Variants in GLIS1 observed in about 807,000 individuals in gnomAD.
GLIS1 encodes zinc finger protein GLIS1.
Under a neutral mutation model 63.8 loss-of-function variants are expected in GLIS1, and 24 were observed. That is an observed-to-expected ratio of 0.38 (90% confidence interval 0.27 to 0.53). GLIS1 has a LOEUF of 0.53. Ranked by LOEUF, GLIS1 falls within the 20% of genes least tolerant of loss-of-function variation. The probability of loss-of-function intolerance (pLI) is 0.85; values close to 1 mark genes in which losing one functional copy is unlikely to be tolerated. For synonymous variants in GLIS1, 450 were observed against 482.5 expected (o/e 0.93, Z 0.88); for missense variants, 1,036 against 1,074.1 (o/e 0.96, Z 0.50).
chr1:53,697,845 G>A (rs1646481877), intron 2 of GLIS1, among the ~76,000 whole-genome samples: 1 of 152,172 alleles, frequency 6.6e-6, no homozygotes, highest in Non-Finnish European at 1.5e-5. Context: ...TAAGCAACTT[G>A]CTAAAGTCAC....
intron 2 of GLIS1, among the ~76,000 whole-genome samples, chr1:53,710,196 C>T (rs1403689018): frequency 6.6e-6 from 1 of 152,222 alleles, no homozygotes. Flanking sequence ...CCGTCTCCAT[C>T]TCTGGGGGGC....
intron 7 of GLIS1, among the ~76,000 whole-genome samples, chr1:53,517,341 C>A (rs1304044776): frequency 6.6e-6 from 1 of 152,196 alleles, no homozygotes; most frequent in Non-Finnish European, 1.5e-5. Flanking sequence ...CCTAGCACCA[C>A]CTGTCTGTCC....
In GLIS1 at chr1:53,594,499, T is replaced by G. The variant is rs542276630; in HGVS notation, c.929A>C (p.Gln310Pro). ...ASTDSHEGSLQLEACRKASFL... is the reference protein window; with the variant it reads ...ASTDSHEGSLPLEACRKASFL... ...GCTCGCCTTCCGGCAGGCTTCAAGT[T>G]GCAAGCTGCCCTCATGGCTGTCCGT... Residue 310 changes from glutamine (Q) to proline (P), a missense_variant, in exon 4 of 11, where the codon CAA becomes CCA. This residue lies in a region of GLIS1 where 592 missense variants were observed against 593.9 expected (regional missense o/e 1.00). Transcript: ENST00000628545. The G allele has an allele frequency of 6.2e-7, 1 of 1,612,986 alleles. No individual in the cohort carries two copies. Among genetic ancestry groups the G allele is most frequent in the Admixed American group, 1.7e-5 (1 of 60,032 alleles).
intron 2 of GLIS1, among the ~76,000 whole-genome samples, chr1:53,627,558 C>T (rs1377249843): frequency 6.6e-6 from 1 of 152,122 alleles, no homozygotes; most frequent in Non-Finnish European, 1.5e-5. Context: ...GAAGGGAAGA[C>T]GAATGAAATT....
At chr1:53,595,961 G>A (rs549771701) in intron 3 of GLIS1, among the ~76,000 whole-genome samples, 1 of 152,322 alleles carries the variant, frequency 6.6e-6, no homozygotes, top group African/African-American at 2.4e-5. Flanking sequence ...GCCAGGCAGG[G>A]CAGCCCATGG....
At chr1:53,712,023 C>T (rs941052457) in intron 2 of GLIS1, among the ~76,000 whole-genome samples, 1 of 152,224 alleles carries the variant, frequency 6.6e-6, no homozygotes, top group African/African-American at 2.4e-5. Flanking sequence ...GGGAGTCATT[C>T]AAGGCCCAGC....
At chr1:53,720,733 A>G (rs993260411) in intron 2 of GLIS1, among the ~76,000 whole-genome samples, 2 of 152,228 alleles carry the variant, frequency 1.3e-5, no homozygotes, top group Admixed American at 1.3e-4. Context: ...GTGTCAAAAT[A>G]CCACGTGTGC....
intron 4 of GLIS1, among the ~76,000 whole-genome samples, chr1:53,549,738 C>T (rs1644739471): frequency 6.6e-6 from 1 of 152,222 alleles, no homozygotes; most frequent in Admixed American, 6.5e-5. Flanking sequence ...GCTAACATTT[C>T]TTGGGTACTT....
In GLIS1 at chr1:53,575,736, A is replaced by C. The variant is rs1039550401; in HGVS notation, c.1320+18372T>G. Among the ~76,000 whole-genome samples, 4 of 152,188 alleles carry C rather than the reference A, an allele frequency of 2.6e-5. No individual in the cohort carries two copies. In the South Asian group the frequency reaches 6.2e-4, roughly 24 times the overall value. On this transcript the variant is annotated intron_variant, in intron 4 of 10. Coordinates refer to ENST00000628545, the MANE Select transcript of GLIS1 (RefSeq NM_001367484.1). ...GAATGCAGGATTGAGTGAATGAATG[A>C]ACACACACAAACAGTGACACCCATG... is the stretch of plus-strand genomic sequence containing the variant.
chr1:53,660,334 G>A (rs142406724), intron 2 of GLIS1, among the ~76,000 whole-genome samples: 12 of 152,204 alleles, frequency 7.9e-5, no homozygotes, highest in African/African-American at 2.7e-4. Context: ...GGTGGAGTAA[G>A]GGGCATTTAT....
chr1:53,678,532 T>TACCA (rs1240736051), intron 2 of GLIS1, among the ~76,000 whole-genome samples: 2 of 151,836 alleles, frequency 1.3e-5, no homozygotes, highest in African/African-American at 4.8e-5. Context: ...AAAAGGCTGG[T>TACCA]ACCTGCACCC....
intron 2 of GLIS1, among the ~76,000 whole-genome samples, chr1:53,660,671 A>T (rs1334856924): frequency 6.6e-6 from 1 of 152,180 alleles, no homozygotes; most frequent in African/African-American, 2.4e-5. Flanking sequence ...GGAAAAGGCC[A>T]GCCCCTGGGG....
chr1:53,597,936 T>C (rs1251856876), intron 3 of GLIS1, among the ~76,000 whole-genome samples: 1 of 152,198 alleles, frequency 6.6e-6, no homozygotes, highest in African/African-American at 2.4e-5. Flanking sequence ...TCCTTAGCTT[T>C]TCCTAGGTTA....
rs1009067249 is a variant in GLIS1 at position 53,601,207 on chromosome 1, G to T, written c.260-929C>A. 3.3e-5 allele frequency among the ~76,000 whole-genome samples: 5 copies of T among 152,224 alleles called. No individual in the cohort carries two copies. The South Asian group carries it at 6.2e-4, about 19-fold the overall frequency. ...TTCCATAACTCAGACAAATCCCTGC[G>T]CAGGCCAGACCCTGTTTCCCCTGTG... On this transcript the variant is annotated intron_variant, in intron 2 of 10. Transcript: ENST00000628545.
chr1:53,725,959 T>C (rs567710515), intron 2 of GLIS1, among the ~76,000 whole-genome samples: 7 of 152,340 alleles, frequency 4.6e-5, no homozygotes, highest in Admixed American at 3.3e-4. Flanking sequence ...GTGTTCTTTC[T>C]ATCCTTTGCT....
At chr1:53,507,715 G>A (rs1480025400) in intron 10 of GLIS1, among the ~76,000 whole-genome samples, 2 of 152,186 alleles carry the variant, frequency 1.3e-5, no homozygotes, top group African/African-American at 2.4e-5. Context: ...GGCCTGGAGT[G>A]GGCACTGGGG....
At chr1:53,530,104 T>C (rs1367467357) in intron 4 of GLIS1, 152 bp from the exon 5 acceptor site, 7 of 684,572 alleles carry the variant, frequency 1.0e-5, no homozygotes, top group Non-Finnish European at 1.4e-5. Flanking sequence ...CCCCATGAAG[T>C]GCTCAGGGCC....
At chr1:53,610,184 G>A (rs17108906) in intron 2 of GLIS1, among the ~76,000 whole-genome samples, 5,491 of 152,010 alleles carry the variant, frequency 0.036, 259 homozygotes, top group African/African-American at 0.11. Context: ...TTTTTAAATC[G>A]TTACCAGATA....
intron 2 of GLIS1, among the ~76,000 whole-genome samples, chr1:53,642,792 A>C (rs1645801623): frequency 1.3e-5 from 2 of 152,156 alleles, no homozygotes; most frequent in African/African-American, 4.8e-5. Flanking sequence ...CTCCTCCGGG[A>C]AGTCTCCCTG....
Sources: gnomAD v4.1 joint callset for allele counts (sites outside exome capture counted in the v4.1 genomes callset) on GRCh38, gnomAD v4.1.1 for gene constraint, gnomAD v4.1.1 regional missense constraint, MANE v1.5 for transcripts, NCBI Gene and HGNC (gene_info 2026-07-23, HGNC 2026-07-21) for gene names.